MACROD2: variants seen among roughly 807,000 people sequenced by gnomAD.
MACROD2 encodes the protein ADP-ribose glycohydrolase MACROD2.
Under a neutral mutation model 70.4 loss-of-function variants are expected in MACROD2, and 36 were observed. The ratio of observed to expected loss-of-function variants is 0.51; its 90% CI spans 0.39 to 0.68. The LOEUF (loss-of-function observed/expected upper bound fraction) is 0.68. Among genes scored for constraint, MACROD2 ranks in the 30% least tolerant of loss-of-function variants. The probability of loss-of-function intolerance (pLI) is 0.00; values close to 1 mark genes in which losing one functional copy is unlikely to be tolerated. For missense variants in MACROD2, 496 were observed against 538.4 expected (o/e 0.92, Z 0.78); for synonymous variants, 172 against 178.8 (o/e 0.96, Z 0.30).
intron 5 of MACROD2, among the ~76,000 whole-genome samples, chr20:15,020,701 T>C (rs1156650328): frequency 6.6e-6 from 1 of 152,070 alleles, no homozygotes; most frequent in African/African-American, 2.4e-5. Context: ...TACAAACTTG[T>C]ACATGTTACT....
intron 5 of MACROD2, among the ~76,000 whole-genome samples, chr20:14,947,449 T>A (rs1291259882): frequency 1.3e-5 from 2 of 152,164 alleles, no homozygotes; most frequent in East Asian, 3.9e-4. Context: ...CACAAGGGTG[T>A]TGTAAAGAAT....
chr20:14,930,529 A>G (rs1056935512), intron 5 of MACROD2, among the ~76,000 whole-genome samples: 3 of 152,128 alleles, frequency 2.0e-5, no homozygotes, highest in Non-Finnish European at 1.5e-5. Flanking sequence ...CATTTCATCT[A>G]TAAATTTAGT....
intron 8 of MACROD2, among the ~76,000 whole-genome samples, chr20:15,830,220 C>T (rs762431784): frequency 2.6e-5 from 4 of 152,154 alleles, no homozygotes; most frequent in Admixed American, 2.6e-4. Context: ...ATAAAACGTT[C>T]CCAAATCAAG....
At chr20:15,017,232 A>AT (rs1006330298) in intron 5 of MACROD2, among the ~76,000 whole-genome samples, 2 of 152,066 alleles carry the variant, frequency 1.3e-5, no homozygotes, top group African/African-American at 4.8e-5. Context: ...AACGGGAGAA[A>AT]TTGGCCAAAA....
intron 3 of MACROD2, among the ~76,000 whole-genome samples, chr20:14,459,299 G>T (rs2123010364): frequency 6.6e-6 from 1 of 152,048 alleles, no homozygotes; most frequent in Admixed American, 6.6e-5. Flanking sequence ...CAGAAAGAAG[G>T]CAAATAATCA....
chr20:15,549,601 C>T (rs2048068690), intron 8 of MACROD2, among the ~76,000 whole-genome samples: 1 of 152,102 alleles, frequency 6.6e-6, no homozygotes, highest in South Asian at 2.1e-4. Flanking sequence ...TTATTTTGAC[C>T]CTTAAGTCTC....
chr20:14,445,162 A>C (rs891500065), intron 3 of MACROD2, among the ~76,000 whole-genome samples: 2 of 151,920 alleles, frequency 1.3e-5, no homozygotes, highest in Admixed American at 6.6e-5. Flanking sequence ...GCCATCTCTT[A>C]CCACTTTCTC....
chr20:14,683,937 T>C (rs1328238735), intron 4 of MACROD2, among the ~76,000 whole-genome samples: 1 of 152,196 alleles, frequency 6.6e-6, no homozygotes, highest in Non-Finnish European at 1.5e-5. Flanking sequence ...TTTATGTGTC[T>C]GTGATCTTTT....
At chr20:14,568,807 C>A (rs189930093) in intron 4 of MACROD2, among the ~76,000 whole-genome samples, 1 of 151,786 alleles carries the variant, frequency 6.6e-6, no homozygotes, top group African/African-American at 2.4e-5. Context: ...TCTACGTGAG[C>A]GACTTTTTCC....
intron 2 of MACROD2, among the ~76,000 whole-genome samples, chr20:14,026,681 T>C (rs1259163087): frequency 6.6e-6 from 1 of 152,198 alleles, no homozygotes; most frequent in East Asian, 1.9e-4. Flanking sequence ...CCCCACTCTC[T>C]TCTGGCTTGT....
At chr20:15,593,667 G>A (rs978558086) in intron 8 of MACROD2, among the ~76,000 whole-genome samples, 1 of 152,174 alleles carries the variant, frequency 6.6e-6, no homozygotes, top group East Asian at 1.9e-4. Context: ...TCAAGAGGTG[G>A]TCTATTTTCT....
chr20:16,000,257 A>G (rs112435332), intron 15 of MACROD2, among the ~76,000 whole-genome samples: 62 of 152,322 alleles, frequency 4.1e-4, no homozygotes, highest in African/African-American at 1.4e-3. Context: ...ATCTTTGTCA[A>G]CACACACAGA....
At chr20:15,968,440 A>G (rs2066175255) in intron 13 of MACROD2, among the ~76,000 whole-genome samples, 1 of 152,174 alleles carries the variant, frequency 6.6e-6, no homozygotes, top group Non-Finnish European at 1.5e-5. Context: ...ATAAACTAAC[A>G]GAAGGCCTGA....
chr20:15,520,481 G>A (rs746890152), intron 8 of MACROD2, among the ~76,000 whole-genome samples: 1 of 152,320 alleles, frequency 6.6e-6, no homozygotes, highest in South Asian at 2.1e-4. Flanking sequence ...TGACTATAGC[G>A]ATGCCAGCGT....
chr20:14,376,313 G>T (rs1004776436), intron 3 of MACROD2, among the ~76,000 whole-genome samples: 1 of 152,002 alleles, frequency 6.6e-6, no homozygotes, highest in Non-Finnish European at 1.5e-5. Context: ...GACCAGAATT[G>T]TACATATATT....
chr20:15,816,639 T>A (rs2063879026), intron 8 of MACROD2, among the ~76,000 whole-genome samples: 1 of 152,182 alleles, frequency 6.6e-6, no homozygotes, highest in South Asian at 2.1e-4. Context: ...CCTTCGATAT[T>A]TGACAAGCAA....
At chr20:14,493,370 A>T (rs1271474376) in intron 3 of MACROD2, 109 bp from the exon 4 acceptor site, 3 of 765,806 alleles carry the variant, frequency 3.9e-6, no homozygotes, top group Non-Finnish European at 6.3e-6. Context: ...GTGTTTATGT[A>T]TGTATATGAG....
chr20:15,983,049 C>T (rs1245780042), intron 13 of MACROD2, among the ~76,000 whole-genome samples: 4 of 152,204 alleles, frequency 2.6e-5, no homozygotes, highest in African/African-American at 9.7e-5. Context: ...CAGGTAGCCT[C>T]AGGGCTGGGG....
chr20:15,371,074 C>T (rs1437037629), intron 6 of MACROD2, among the ~76,000 whole-genome samples: 6 of 152,060 alleles, frequency 3.9e-5, no homozygotes, highest in African/African-American at 1.4e-4. Context: ...TTGTCAATGC[C>T]TAAGTCATCT....
Sources: gnomAD v4.1 joint callset for allele counts (sites outside exome capture counted in the v4.1 genomes callset) on GRCh38, gnomAD v4.1.1 for gene constraint, MANE v1.5 for transcripts, NCBI Gene and HGNC (gene_info 2026-07-23, HGNC 2026-07-21) for gene names.